The following DOCK3 variants were observed in gnomAD, a reference collection of about 807,000 sequenced individuals.
The protein encoded by DOCK3 is dedicator of cytokinesis 3.
In DOCK3, 60 loss-of-function variants were observed where a neutral mutation model predicts 265.6. That is an observed-to-expected ratio of 0.23 (90% CI 0.18 to 0.28). DOCK3 has a LOEUF of 0.28. DOCK3 is among the 10% of genes least tolerant of loss of function. The pLI is 1.00. For missense variants in DOCK3, 1,981 were observed against 2,594.3 expected (o/e 0.76, Z 5.14); for synonymous variants, 881 against 938.0 (o/e 0.94, Z 1.11).
At chr3:51,122,472 A>C (rs1245278813) in intron 9 of DOCK3, among the ~76,000 whole-genome samples, 1 of 152,244 alleles carries the variant, frequency 6.6e-6, no homozygotes, top group Non-Finnish European at 1.5e-5. Flanking sequence ...TAGAGAAAGA[A>C]AGGAAAATAA....
Position 51,228,013 on chromosome 3 carries a change from C to T in DOCK3, c.1572C>T (p.Gly524=). ...ACAAAGGGGAAAAGAAACTCTTTGG[C>T]TTTGCATTCTCAACCCTGATGCGTG... The part of the protein sequence containing the change: ...TKDKGEKKLF[G]FAFSTLMRDD... The change falls in exon 17 of 53, where the codon GGC becomes GGT. Residue 524 remains glycine, a synonymous_variant. Transcript: ENST00000266037. The T allele has an allele frequency of 6.2e-7, 1 of 1,614,038 alleles. No individual in the cohort carries two copies. The highest frequency in any genetic ancestry group is 8.5e-7 in the Non-Finnish European group (1 of 1,179,888).
chr3:50,678,210 G>A (rs561121758), intron 1 of DOCK3, among the ~76,000 whole-genome samples: 24 of 151,630 alleles, frequency 1.6e-4, no homozygotes, highest in Admixed American at 2.6e-4. Context: ...GTACCCGTTC[G>A]CCCGTGTTTT....
chr3:51,371,808 C>T (rs1051809781), intron 49 of DOCK3, among the ~76,000 whole-genome samples: 6 of 152,226 alleles, frequency 3.9e-5, no homozygotes, highest in African/African-American at 1.2e-4. Context: ...GCCCCTCACA[C>T]GGATCAGGAT....
At chr3:51,185,795 G>GC (rs1400694024) in intron 12 of DOCK3, among the ~76,000 whole-genome samples, 1 of 152,072 alleles carries the variant, frequency 6.6e-6, no homozygotes, top group African/African-American at 2.4e-5. Context: ...CTCTGCACAA[G>GC]CCCTTTTTTT....
chr3:51,180,667 A>G (rs73833993), intron 12 of DOCK3, among the ~76,000 whole-genome samples: 3,704 of 152,328 alleles, frequency 0.024, 177 homozygotes, highest in African/African-American at 0.085. Context: ...CCTTAATTTA[A>G]TTACATCTGC....
intron 2 of DOCK3, among the ~76,000 whole-genome samples, chr3:50,785,866 T>C (rs982083882): frequency 6.6e-6 from 1 of 152,202 alleles, no homozygotes; most frequent in Non-Finnish European, 1.5e-5. Context: ...TCTTTTGGAA[T>C]AGTTTCAATA....
intron 3 of DOCK3, among the ~76,000 whole-genome samples, chr3:50,843,947 A>G (rs2045961904): frequency 6.6e-6 from 1 of 152,196 alleles, no homozygotes; most frequent in Admixed American, 6.5e-5. Context: ...ATACAAAAAT[A>G]AATGCGTTTC....
intron 5 of DOCK3, among the ~76,000 whole-genome samples, chr3:50,937,446 A>G (rs1006953458): frequency 3.9e-5 from 6 of 152,108 alleles, no homozygotes; most frequent in African/African-American, 1.4e-4. Flanking sequence ...CGAGGTCAGG[A>G]GATTGAGACC....
intron 15 of DOCK3, among the ~76,000 whole-genome samples, 161 bp downstream of exon 15, chr3:51,225,934 T>G (rs1364937169): frequency 6.6e-6 from 1 of 152,236 alleles, no homozygotes; most frequent in Non-Finnish European, 1.5e-5. Flanking sequence ...AAGTGTGCTT[T>G]GATAATGACT....
intron 23 of DOCK3, among the ~76,000 whole-genome samples, chr3:51,262,231 CTT>C (rs2079893634): frequency 6.6e-6 from 1 of 152,198 alleles, no homozygotes; most frequent in South Asian, 2.1e-4. Context: ...AGGCAGCAAT[CTT>C]TGCTGTTCTG....
intron 1 of DOCK3, among the ~76,000 whole-genome samples, chr3:50,698,563 A>C (rs1351922608): frequency 2.2e-5 from 1 of 45,152 alleles, no homozygotes; most frequent in Non-Finnish European, 5.3e-5. Context: ...CAGGTGTGGA[A>C]TTGCTGGATC....
At chr3:51,272,607 A>G (rs2080569636) in intron 24 of DOCK3, among the ~76,000 whole-genome samples, 1 of 151,876 alleles carries the variant, frequency 6.6e-6, no homozygotes, top group African/African-American at 2.4e-5. Flanking sequence ...TTTAATGTGT[A>G]AGAACAAAAA....
At chr3:51,225,910 T>A in intron 15 of DOCK3, 137 bp downstream of exon 15, 1 of 1,165,890 alleles carries the variant, frequency 8.6e-7, no homozygotes, top group Non-Finnish European at 1.2e-6. Context: ...TTTTCTTTCT[T>A]GAAGAAAACT....
intron 21 of DOCK3, among the ~76,000 whole-genome samples, chr3:51,240,272 T>C (rs992729868): frequency 7.2e-5 from 11 of 152,228 alleles, no homozygotes; most frequent in African/African-American, 2.2e-4. Context: ...AATTTCTTAG[T>C]CTTGATTTCT....
chr3:51,325,806 A>G (rs2084066522), intron 32 of DOCK3, among the ~76,000 whole-genome samples: 1 of 152,206 alleles, frequency 6.6e-6, no homozygotes, highest in Admixed American at 6.5e-5. Flanking sequence ...GCAAACTAAT[A>G]AAAGAACAGA....
chr3:51,264,860 C>A (rs1283273167), intron 23 of DOCK3, among the ~76,000 whole-genome samples: 12 of 39,924 alleles, frequency 3.0e-4, no homozygotes, highest in Non-Finnish European at 5.7e-4. Context: ...AAATAAATAA[C>A]TTAGATCAGA....
chr3:51,309,605 G>A (rs934205183), intron 27 of DOCK3, among the ~76,000 whole-genome samples: 1 of 132,138 alleles, frequency 7.6e-6, no homozygotes, highest in Non-Finnish European at 1.6e-5. Flanking sequence ...CGTGGGGAGA[G>A]GGAGAGGGAG....
In DOCK3 at chr3:51,384,147, C is replaced by T. The variant is rs782635113; in HGVS notation, c.*2588C>T. On this transcript the variant is annotated 3_prime_UTR_variant, in exon 53 of 53. Coordinates refer to ENST00000266037, the MANE Select transcript of DOCK3 (RefSeq NM_004947.5). ...CCACTTGATTTTTTTTCCCCCTTTC[C>T]CCACTTCCTTGACTGCTGTGATGTG... 1 of 152,582 alleles carries T rather than the reference C, an allele frequency of 6.6e-6. No homozygotes were observed. The highest frequency in any genetic ancestry group is 1.5e-5 in the Non-Finnish European group (1 of 68,044). 9.5% of individuals were successfully genotyped at this position (152,582 alleles called of 1,614,324 possible).
At chr3:50,764,393 T>C (rs954298426) in intron 1 of DOCK3, among the ~76,000 whole-genome samples, 1 of 152,182 alleles carries the variant, frequency 6.6e-6, no homozygotes, top group Non-Finnish European at 1.5e-5. Flanking sequence ...ACAGAATTTA[T>C]ACTGTATTAG....
Sources: allele counts gnomAD v4.1 joint callset (sites outside exome capture counted in the v4.1 genomes callset), GRCh38; gene constraint gnomAD v4.1.1; transcripts MANE v1.5; gene names NCBI Gene and HGNC (gene_info 2026-07-23, HGNC 2026-07-21).